Variants in SLC14A2 observed in about 807,000 individuals in gnomAD.
SLC14A2 encodes urea transporter 2.
A neutral mutation model predicts 104.6 loss-of-function variants in SLC14A2; 91 were observed. That is an observed-to-expected ratio of 0.87 (90% CI 0.73 to 1.04). SLC14A2 has a LOEUF of 1.04. Among genes scored for constraint, SLC14A2 ranks in the 50% least tolerant of loss-of-function variants. The pLI is 0.00. For missense variants in SLC14A2, 1,189 were observed against 1,156.0 expected, an observed-to-expected ratio of 1.03 and a Z score of -0.41; for synonymous variants, 476 against 466.4, an observed-to-expected ratio of 1.02 and a Z score of -0.27.
chr18:45,325,662 C>T (rs945247936), intron 1 of SLC14A2, among the ~76,000 whole-genome samples: 3 of 152,064 alleles, frequency 2.0e-5, no homozygotes, highest in Non-Finnish European at 4.4e-5. Flanking sequence ...ATTTGATCCT[C>T]GTAACAGCCG....
chr18:45,269,410 G>A (rs1213618324), intron 1 of SLC14A2, among the ~76,000 whole-genome samples: 1 of 151,996 alleles, frequency 6.6e-6, no homozygotes, highest in African/African-American at 2.4e-5. Flanking sequence ...ATTGATAGAT[G>A]GGGAGTGTAG....
chr18:45,276,161 G>A (rs2051438877), intron 1 of SLC14A2, among the ~76,000 whole-genome samples: 1 of 152,200 alleles, frequency 6.6e-6, no homozygotes, highest in African/African-American at 2.4e-5. Flanking sequence ...TGTAGTCTGT[G>A]GGGTACCTGG....
intron 11 of SLC14A2, among the ~76,000 whole-genome samples, chr18:45,665,131 C>A (rs537783775): frequency 6.6e-6 from 1 of 152,342 alleles, no homozygotes; most frequent in South Asian, 2.1e-4. Flanking sequence ...ACACTGGTAT[C>A]TGCAGTCCCT....
At chr18:45,369,179 T>C (rs2085696937) in intron 1 of SLC14A2, among the ~76,000 whole-genome samples, 1 of 152,190 alleles carries the variant, frequency 6.6e-6, no homozygotes, top group Non-Finnish European at 1.5e-5. Flanking sequence ...CCTCACCATA[T>C]AAAAGGAAAT....
chr18:45,541,376 C>T (rs1049353559), intron 2 of SLC14A2, among the ~76,000 whole-genome samples: 1 of 152,224 alleles, frequency 6.6e-6, no homozygotes, highest in South Asian at 2.1e-4. Context: ...AGCCATCTGG[C>T]CAGCCTAGAG....
chr18:45,636,946 T>A (rs1599097004), intron 5 of SLC14A2, 44 bp from the exon 6 acceptor site: 1 of 1,519,912 alleles, frequency 6.6e-7, no homozygotes. Flanking sequence ...AATGTAGACC[T>A]CAGGATGTCA....
chr18:45,346,972 TAAA>T (rs368601214), intron 1 of SLC14A2, among the ~76,000 whole-genome samples: 2 of 146,898 alleles, frequency 1.4e-5, no homozygotes. Context: ...AAAATAAAAA[TAAA>T]AATAAAAATA....
At chr18:45,603,757 T>C (rs1209348346) in intron 2 of SLC14A2, among the ~76,000 whole-genome samples, 1 of 152,168 alleles carries the variant, frequency 6.6e-6, no homozygotes, top group African/African-American at 2.4e-5. Flanking sequence ...AGTCATTGAC[T>C]TGATGTGCTA....
At chr18:45,435,274 C>T (rs962436193) in intron 1 of SLC14A2, 15 of 152,096 alleles carry the variant, frequency 9.9e-5, no homozygotes, top group African/African-American at 3.1e-4. Flanking sequence ...GATAAAGTTG[C>T]TTTGATCAAA....
chr18:45,518,164 T>G (rs1450272773), intron 2 of SLC14A2, among the ~76,000 whole-genome samples: 1 of 152,200 alleles, frequency 6.6e-6, no homozygotes, highest in Non-Finnish European at 1.5e-5. Flanking sequence ...AAAGCCTACA[T>G]CACACAGTTC....
At chr18:45,650,336 T>C (rs2045711383) in intron 10 of SLC14A2, among the ~76,000 whole-genome samples, 1 of 152,130 alleles carries the variant, frequency 6.6e-6, no homozygotes, top group African/African-American at 2.4e-5. Flanking sequence ...TTTTTTTAAT[T>C]TTCTATCTCC....
intron 1 of SLC14A2, among the ~76,000 whole-genome samples, chr18:45,305,119 G>A (rs1362739637): frequency 6.6e-6 from 1 of 152,208 alleles, no homozygotes; most frequent in Non-Finnish European, 1.5e-5. Flanking sequence ...AAACTAATGG[G>A]ATGGGGCTGG....
At chr18:45,639,921 C>A in intron 7 of SLC14A2, 28 bp downstream of exon 7, 1 of 1,602,774 alleles carries the variant, frequency 6.2e-7, no homozygotes, top group South Asian at 1.1e-5. Context: ...CTCTTCAGGT[C>A]CTCAGGATAA....
chr18:45,482,400 T>C (rs1360047741), intron 1 of SLC14A2: 1 of 152,192 alleles, frequency 6.6e-6, no homozygotes, highest in Non-Finnish European at 1.5e-5. Flanking sequence ...ATCTCACAGT[T>C]TCTGAGGGTC....
intron 2 of SLC14A2, among the ~76,000 whole-genome samples, chr18:45,578,107 T>C (rs977054231): frequency 2.0e-5 from 3 of 152,204 alleles, no homozygotes; most frequent in Non-Finnish European, 4.4e-5. Flanking sequence ...ACCATTTCCC[T>C]GTCTGAAAGG....
At position 45,667,005 on chromosome 18, in the gene SLC14A2, G is replaced by C. The variant is rs751258587; in HGVS notation, c.1628G>C (p.Arg543Pro). The change falls in exon 13 of 20, where the codon CGG becomes CCG. Residue 543 changes from arginine (R) to proline (P), a missense_variant. Arg to Pro is a moderately radical substitution (Grantham distance 103, BLOSUM62 -2). Transcript: ENST00000255226. ...ETNISKTSWI[R>P]SSMAASGKRV... ...AACATTTCCAAGACATCCTGGATTC[G>C]GAGTTCCATGGCTGCCAGTGGGAAA... The C allele has an allele frequency of 3.5e-5, 57 of 1,613,736 alleles. No homozygotes were observed. Among genetic ancestry groups the C allele is most frequent in the Non-Finnish European group, 4.7e-5 (55 of 1,179,774 alleles).
the SLC14A2 span, among the ~76,000 whole-genome samples, chr18:45,172,413 A>G: frequency 6.6e-6 from 1 of 152,180 alleles, no homozygotes; most frequent in South Asian, 2.1e-4. Flanking sequence ...GTCATGTTTC[A>G]TCTGAATGTT....
chr18:45,391,132 A>G (rs1442694179), intron 1 of SLC14A2, among the ~76,000 whole-genome samples: 3 of 150,936 alleles, frequency 2.0e-5, no homozygotes, highest in African/African-American at 4.9e-5. Context: ...TCCTGTGTCC[A>G]TGTGTTCTCA....
chr18:45,333,276 G>T (rs1342922963), intron 1 of SLC14A2, among the ~76,000 whole-genome samples: 1 of 150,998 alleles, frequency 6.6e-6, no homozygotes, highest in South Asian at 2.1e-4. Context: ...TTAGATAGAG[G>T]CAAAAAAAAA....
Sources: gnomAD v4.1 joint callset for allele counts (sites outside exome capture counted in the v4.1 genomes callset) on GRCh38, gnomAD v4.1.1 for gene constraint, MANE v1.5 for transcripts, NCBI Gene and HGNC (gene_info 2026-07-23, HGNC 2026-07-21) for gene names.